The following ARHGAP21 variants were observed in gnomAD, a reference collection of about 807,000 sequenced individuals.
ARHGAP21 encodes Rho GTPase activating protein 21.
In ARHGAP21, 38 loss-of-function variants were observed where a neutral mutation model predicts 164.6. The observed-to-expected ratio is 0.23, with a 90% CI of 0.18 to 0.30. The LOEUF is 0.30. Ranked by LOEUF, ARHGAP21 falls within the 10% of genes least tolerant of loss-of-function variation. The pLI is 1.00. For synonymous variants in ARHGAP21, 766 were observed against 857.9 expected, an observed-to-expected ratio of 0.89 and a Z score of 1.87; for missense variants, 1,822 against 2,370.7, an observed-to-expected ratio of 0.77 and a Z score of 4.81.
intron 15 of ARHGAP21, 143 bp downstream of exon 15, chr10:24,597,801 GA>G: frequency 1.8e-6 from 2 of 1,084,598 alleles, no homozygotes; most frequent in Non-Finnish European, 2.6e-6. Flanking sequence ...TACTATATGG[GA>G]AAAAATATAG....
intron 3 of ARHGAP21, among the ~76,000 whole-genome samples, chr10:24,669,643 C>A (rs762060568): frequency 6.6e-6 from 1 of 152,148 alleles, no homozygotes; most frequent in Non-Finnish European, 1.5e-5. Flanking sequence ...ACGCTCATAA[C>A]GAATGGTAAG....
chr10:24,599,977 C>CA (rs1231867012), intron 14 of ARHGAP21, among the ~76,000 whole-genome samples: 2 of 151,788 alleles, frequency 1.3e-5, no homozygotes, highest in Admixed American at 6.6e-5. Context: ...ACTAAAAATA[C>CA]AAAAAATTAG....
intron 6 of ARHGAP21, among the ~76,000 whole-genome samples, chr10:24,631,571 C>T (rs980969995): frequency 5.9e-5 from 9 of 152,124 alleles, no homozygotes; most frequent in African/African-American, 1.9e-4. Context: ...TGTTTAGTTT[C>T]ATAAATGCTC....
In ARHGAP21 at chr10:24,655,534, G is replaced by A. The variant is rs569193744; in HGVS notation, c.268+11451C>T. The stretch of plus-strand genomic sequence containing the variant: ...CACATGAAAAAATGCTCATCATCGC[G>A]GCTGGAGGAGCGGACGGGCCCCGCG... On this transcript the variant is annotated intron_variant, in intron 4 of 25. Coordinates refer to ENST00000396432, the MANE Select transcript of ARHGAP21 (RefSeq NM_020824.4). Among the ~76,000 whole-genome samples, 11 of 152,286 alleles carry A rather than the reference G, an allele frequency of 7.2e-5. No individual in the cohort carries two copies. The East Asian group carries it at 1.4e-3, about 19-fold the overall frequency.
chr10:24,635,405 GTAC>G lies in ARHGAP21; in HGVS notation c.269-305_269-303del, dbSNP rs937144499. Among the ~76,000 whole-genome samples the G allele has an allele frequency of 3.3e-5, 5 of 152,240 alleles. No homozygotes were observed. In the East Asian group the frequency reaches 9.6e-4, roughly 29 times the overall value. ...CAGAGCTAATTTCCACAGCAAGTAA[GTAC>G]TACTACTACCATTCATAAAAGAGGA... On this transcript the variant is annotated intron_variant, in intron 4 of 25. Coordinates refer to ENST00000396432, the MANE Select transcript of ARHGAP21 (RefSeq NM_020824.4).
Position 24,620,718 on chromosome 10 carries a change from T to C in ARHGAP21, c.1177A>G (p.Lys393Glu). The C allele has an allele frequency of 6.2e-7, 1 of 1,614,202 alleles. No individual in the cohort carries two copies. Among genetic ancestry groups the C allele is most frequent in the Non-Finnish European group, 8.5e-7 (1 of 1,180,024 alleles). Reference sequence around the variant, plus strand: ...AATCGTCTGTTATCAATATACTCTTTGTAAGTTTTATAGTTTTTCCAGTCT... The same window carrying C: ...AATCGTCTGTTATCAATATACTCTTCGTAAGTTTTATAGTTTTTCCAGTCT... ...HIDWKNYKTY[K>E]EYIDNRRLHI... Residue 393 changes from lysine to glutamate, a missense_variant, in exon 9 of 26, where the codon AAA becomes GAA. Coordinates refer to ENST00000396432, the MANE Select transcript of ARHGAP21 (RefSeq NM_020824.4).
At chr10:24,684,795 T>C (rs1185716883) in intron 2 of ARHGAP21, among the ~76,000 whole-genome samples, 1 of 152,088 alleles carries the variant, frequency 6.6e-6, no homozygotes, top group Non-Finnish European at 1.5e-5. Flanking sequence ...CCCGCCATCT[T>C]GCCCGGCTAA....
chr10:24,659,155 T>C (rs1316630416), intron 4 of ARHGAP21, among the ~76,000 whole-genome samples: 1 of 152,176 alleles, frequency 6.6e-6, no homozygotes, highest in Non-Finnish European at 1.5e-5. Flanking sequence ...AAACATAGGA[T>C]TACCATGTGA....
intron 4 of ARHGAP21, among the ~76,000 whole-genome samples, chr10:24,659,527 CTGGTCTCGAA>C (rs1839454313): frequency 6.6e-6 from 1 of 152,164 alleles, no homozygotes; most frequent in Non-Finnish European, 1.5e-5. Flanking sequence ...GTTGGTCAGG[CTGGTCTCGAA>C]CTCCCAACCT....
At chr10:24,589,773 T>C (rs2076256951) in intron 24 of ARHGAP21, 1 of 162,434 alleles carries the variant, frequency 6.2e-6, no homozygotes, top group African/African-American at 2.4e-5. Flanking sequence ...ACTTAAATTT[T>C]CTGAGCATTA....
chr10:24,620,989 C>A lies in ARHGAP21; in HGVS notation c.906G>T (p.Arg302Ser), dbSNP rs777827066. The change falls in exon 9 of 26, where the codon AGG (arginine) becomes AGT (serine). Residue 302 changes from arginine (R) to serine (S), a missense_variant. Around this residue, in one of 5 missense-constraint regions of ARHGAP21, gnomAD observed 1,090 missense variants for 1,378.9 expected, o/e 0.79. Coordinates refer to ENST00000396432, the MANE Select transcript of ARHGAP21 (RefSeq NM_020824.4). ...TGPSHRTEEV[R>S]YGVSEQTSLK... ...AAGAGGTCTGCTCACTCACGCCATA[C>A]CTCACTTCTTCAGTTCTATGTGAAG... 2 of 1,613,988 alleles carry A rather than the reference C, an allele frequency of 1.2e-6. No homozygotes were observed. The highest frequency in any genetic ancestry group is 1.7e-4 in the Middle Eastern group (1 of 6,056).
intron 2 of ARHGAP21, among the ~76,000 whole-genome samples, chr10:24,679,098 C>T (rs1841533980): frequency 6.6e-6 from 1 of 152,192 alleles, no homozygotes; most frequent in Non-Finnish European, 1.5e-5. Flanking sequence ...TGTATGAACA[C>T]AATTTACATT....
chr10:24,594,564 T>C (rs2130815939), intron 21 of ARHGAP21, among the ~76,000 whole-genome samples: 2 of 152,310 alleles, frequency 1.3e-5, no homozygotes, highest in Middle Eastern at 6.8e-3. Flanking sequence ...AAAGAAAATG[T>C]GGTGGTGTTA....
At chr10:24,593,131 GAA>G (rs2076410747) in intron 21 of ARHGAP21, among the ~76,000 whole-genome samples, 1 of 152,124 alleles carries the variant, frequency 6.6e-6, no homozygotes, top group Non-Finnish European at 1.5e-5. Context: ...GGAAAAAAAA[GAA>G]AAGCAACTGC....
chr10:24,654,399 T>C (rs1838567937), intron 4 of ARHGAP21, among the ~76,000 whole-genome samples: 1 of 152,226 alleles, frequency 6.6e-6, no homozygotes, highest in African/African-American at 2.4e-5. Flanking sequence ...GCCCAAAATA[T>C]CCTTAGGCTG....
rs149920374 is a variant in ARHGAP21 at position 24,664,323 on chromosome 10, G to T, written c.268+2662C>A. Among the ~76,000 whole-genome samples the T allele has an allele frequency of 5.6e-3, 858 of 152,170 alleles. 2 individuals are homozygous for T. Among genetic ancestry groups the T allele is most frequent in the Non-Finnish European group, 9.2e-3 (624 of 67,992 alleles). ...TGTAATCCCAGCATTTTGGGAGGCC[G>T]AGGCAGGCGGATCATGAGGTCAAGA... On this transcript the variant is annotated intron_variant, in intron 4 of 25. Coordinates refer to ENST00000396432, the MANE Select transcript of ARHGAP21 (RefSeq NM_020824.4).
chr10:24,645,093 G>A (rs1288634399), intron 4 of ARHGAP21, among the ~76,000 whole-genome samples: 1 of 152,028 alleles, frequency 6.6e-6, no homozygotes, highest in Admixed American at 6.5e-5. Flanking sequence ...TGCTCCACAA[G>A]GCATCTTTAA....
intron 2 of ARHGAP21, among the ~76,000 whole-genome samples, chr10:24,712,216 A>T (rs1469898913): frequency 6.6e-6 from 1 of 152,012 alleles, no homozygotes; most frequent in Non-Finnish European, 1.5e-5. Flanking sequence ...GCACCTGGCC[A>T]AGTTAAGGAT....
rs1838268304 is a variant in ARHGAP21 at position 24,652,369 on chromosome 10, G to A, written c.268+14616C>T. ...TCAGGTGGACTTTAGGCTTAATTGT[G>A]AATAACGCATCTTGAAGATGACACA... On this transcript the variant is annotated intron_variant, in intron 4 of 25. Transcript: ENST00000396432. Among the ~76,000 whole-genome samples, 4 of 152,150 alleles carry A rather than the reference G, an allele frequency of 2.6e-5. No individual in the cohort carries two copies. The South Asian group carries it at 8.3e-4, about 32-fold the overall frequency.
Sources: gnomAD v4.1 joint callset for allele counts (sites outside exome capture counted in the v4.1 genomes callset) on GRCh38, gnomAD v4.1.1 for gene constraint, gnomAD v4.1.1 regional missense constraint, MANE v1.5 for transcripts, NCBI Gene and HGNC (gene_info 2026-07-23, HGNC 2026-07-21) for gene names.